AFAP1: variants seen among roughly 807,000 people sequenced by gnomAD.
The protein encoded by AFAP1 is actin filament-associated protein 1.
AFAP1 carries 75 observed loss-of-function variants against 93.9 expected under a neutral mutation model. The observed-to-expected ratio is 0.80, with a 90% CI of 0.66 to 0.97. The LOEUF is 0.97. Among genes scored for constraint, AFAP1 ranks in the 50% least tolerant of loss-of-function variants. The probability of loss-of-function intolerance (pLI) is 0.00; values close to 1 mark genes in which losing one functional copy is unlikely to be tolerated. For missense variants in AFAP1, 1,201 were observed against 1,050.8 expected (o/e 1.14, Z -1.98); for synonymous variants, 517 against 430.7 (o/e 1.20, Z -2.48).
intron 1 of AFAP1, among the ~76,000 whole-genome samples, chr4:7,884,571 A>G (rs1015642470): frequency 1.3e-5 from 2 of 152,342 alleles, no homozygotes; most frequent in Admixed American, 6.5e-5. Flanking sequence ...ACCCAAATAC[A>G]CACAGAAATA....
At chr4:7,907,766 G>T (rs1301682920) in intron 1 of AFAP1, among the ~76,000 whole-genome samples, 1 of 152,136 alleles carries the variant, frequency 6.6e-6, no homozygotes. Flanking sequence ...AAACACTTCT[G>T]GTTCCAAGCA....
At chr4:7,809,575 T>G in intron 9 of AFAP1, 39 bp downstream of exon 9, 1 of 1,591,230 alleles carries the variant, frequency 6.3e-7, no homozygotes, top group Non-Finnish European at 8.5e-7. Flanking sequence ...GAAACCCACT[T>G]AGGTGCACGC....
Position 7,799,061 on chromosome 4 carries a change from T to G in AFAP1, c.1266+1381A>C, listed in dbSNP as rs1718769096. 5 of 986,014 alleles carry G rather than the reference T, an allele frequency of 5.1e-6. No homozygotes were observed. In the Admixed American group the frequency reaches 2.5e-4, roughly 48 times the overall value. The allele number at this position is 986,014 out of a possible 1,614,324, so 61.1% of individuals were successfully genotyped here. On this transcript the variant is annotated intron_variant, in intron 10 of 17. Coordinates refer to ENST00000420658, the MANE Select transcript of AFAP1 (RefSeq NM_001134647.2). ...CCCTCCAGTTTTCAGCCTACATAAATGTTTACAAGGTACACTGACTCTAGC... is the reference window on the plus strand; with the variant it reads ...CCCTCCAGTTTTCAGCCTACATAAAGGTTTACAAGGTACACTGACTCTAGC...
intron 3 of AFAP1, among the ~76,000 whole-genome samples, chr4:7,865,911 T>A (rs1392320717): frequency 6.6e-6 from 1 of 152,242 alleles, no homozygotes; most frequent in African/African-American, 2.4e-5. Flanking sequence ...TGTTTTATTT[T>A]TTGAGACGGA....
chr4:7,781,696 T>G, intron 12 of AFAP1, 69 bp from the exon 13 acceptor site: 10 of 1,526,334 alleles, frequency 6.6e-6, no homozygotes, highest in Non-Finnish European at 8.8e-6. Flanking sequence ...CACAGTGAGA[T>G]GTCATTTATT....
chr4:7,917,856 C>G (rs990542322), intron 1 of AFAP1, among the ~76,000 whole-genome samples: 1 of 152,206 alleles, frequency 6.6e-6, no homozygotes, highest in Non-Finnish European at 1.5e-5. Flanking sequence ...GAGGTGGAAA[C>G]GCAACCTGAC....
chr4:7,867,433 T>C (rs1716552064), intron 3 of AFAP1, among the ~76,000 whole-genome samples: 1 of 152,038 alleles, frequency 6.6e-6, no homozygotes, highest in African/African-American at 2.4e-5. Flanking sequence ...CCTCCTGAAC[T>C]GCCCCTGCAG....
chr4:7,838,226 AT>A (rs1387838020), intron 6 of AFAP1, among the ~76,000 whole-genome samples: 1 of 152,198 alleles, frequency 6.6e-6, no homozygotes, highest in African/African-American at 2.4e-5. Flanking sequence ...CCAGAATAAA[AT>A]TTAAAAAGAA....
At chr4:7,873,617 G>C (rs1717262495) in intron 1 of AFAP1, among the ~76,000 whole-genome samples, 1 of 151,864 alleles carries the variant, frequency 6.6e-6, no homozygotes, top group South Asian at 2.1e-4. Context: ...CAAAGCACTG[G>C]GATTACAGAC....
At chr4:7,795,960 T>C (rs958667137) in intron 10 of AFAP1, among the ~76,000 whole-genome samples, 6 of 152,154 alleles carry the variant, frequency 3.9e-5, no homozygotes, top group Admixed American at 2.0e-4. Context: ...TAGATAGGTA[T>C]AGACATAGAG....
At chr4:7,826,808 G>A (rs1331054711) in intron 6 of AFAP1, among the ~76,000 whole-genome samples, 2 of 152,128 alleles carry the variant, frequency 1.3e-5, no homozygotes, top group Non-Finnish European at 2.9e-5. Context: ...GTAGGAGGCG[G>A]GCACACCCTT....
intron 11 of AFAP1, among the ~76,000 whole-genome samples, chr4:7,789,567 C>T (rs1467078505): frequency 2.5e-5 from 3 of 119,248 alleles, no homozygotes; most frequent in East Asian, 2.3e-4. Context: ...CCATCCCATC[C>T]GTGCATCTCC....
At chr4:7,784,130 T>C (rs1717041251) in intron 12 of AFAP1, among the ~76,000 whole-genome samples, 1 of 152,026 alleles carries the variant, frequency 6.6e-6, no homozygotes, top group Non-Finnish European at 1.5e-5. Context: ...CACAAGCCCC[T>C]ACCCAGGGGT....
In AFAP1 at chr4:7,870,466, C is replaced by T. The variant is rs569495789; in HGVS notation, c.127+1486G>A. On this transcript the variant is annotated intron_variant, in intron 2 of 17. Coordinates refer to ENST00000420658, the MANE Select transcript of AFAP1 (RefSeq NM_001134647.2). The stretch of plus-strand genomic sequence containing the variant: ...CTTGAGCCTAGGAGTTTGAGACCAG[C>T]GTGGACAACATGGCAAAACCCTGTC... 3.3e-5 allele frequency among the ~76,000 whole-genome samples: 5 copies of T among 152,236 alleles called. No homozygotes were observed. In the East Asian group the frequency reaches 7.7e-4, roughly 24 times the overall value.
intron 10 of AFAP1, chr4:7,799,307 T>C (rs941560723): frequency 6.6e-6 from 1 of 152,560 alleles, no homozygotes; most frequent in African/African-American, 2.4e-5. Flanking sequence ...AAAAAGACAG[T>C]GTTCATCTAT....
intron 6 of AFAP1, among the ~76,000 whole-genome samples, chr4:7,834,513 T>C (rs1041568534): frequency 2.0e-5 from 3 of 152,224 alleles, no homozygotes; most frequent in South Asian, 4.2e-4. Flanking sequence ...TATGGAAATT[T>C]AAAAAAAATT....
At chr4:7,766,352 T>C (rs998829692) in intron 17 of AFAP1, among the ~76,000 whole-genome samples, 1 of 152,192 alleles carries the variant, frequency 6.6e-6, no homozygotes, top group Non-Finnish European at 1.5e-5. Flanking sequence ...AGGTCCCCCA[T>C]TTCCTCCCAG....
At chr4:7,910,716 C>T (rs1319773820) in intron 1 of AFAP1, among the ~76,000 whole-genome samples, 1 of 152,236 alleles carries the variant, frequency 6.6e-6, no homozygotes, top group Non-Finnish European at 1.5e-5. Context: ...TCCACTGACT[C>T]CAGCGTCCAC....
At chr4:7,881,314 T>G (rs1173188888) in intron 1 of AFAP1, among the ~76,000 whole-genome samples, 1 of 151,832 alleles carries the variant, frequency 6.6e-6, no homozygotes, top group Non-Finnish European at 1.5e-5. Flanking sequence ...CAAGGCTACC[T>G]CTCCTGCCAG....
Sources: gnomAD v4.1 joint callset for allele counts (sites outside exome capture counted in the v4.1 genomes callset) on GRCh38, gnomAD v4.1.1 for gene constraint, MANE v1.5 for transcripts, NCBI Gene and HGNC (gene_info 2026-07-23, HGNC 2026-07-21) for gene names.